SRRM4: variants seen among roughly 807,000 people sequenced by gnomAD.
SRRM4 encodes serine/arginine repetitive matrix 4.
SRRM4 carries 33 observed loss-of-function variants against 68.9 expected under a neutral mutation model. That is an observed-to-expected ratio of 0.48 (90% CI 0.36 to 0.64). The LOEUF (loss-of-function observed/expected upper bound fraction) is 0.64. Among genes scored for constraint, SRRM4 ranks in the 30% least tolerant of loss-of-function variants. The pLI, the probability that SRRM4 is intolerant of heterozygous loss-of-function variation, is 0.00. For synonymous variants in SRRM4, 318 were observed against 318.8 expected (o/e 1.00, Z 0.03); for missense variants, 817 against 827.1 (o/e 0.99, Z 0.15).
intron 1 of SRRM4, among the ~76,000 whole-genome samples, chr12:119,101,171 T>C (rs1190747768): frequency 6.6e-6 from 1 of 152,180 alleles, no homozygotes; most frequent in Non-Finnish European, 1.5e-5. Context: ...GATCAATACT[T>C]GACATGGGGT....
At chr12:119,054,417 A>G (rs1286120175) in intron 1 of SRRM4, among the ~76,000 whole-genome samples, 1 of 152,244 alleles carries the variant, frequency 6.6e-6, no homozygotes, top group Non-Finnish European at 1.5e-5. Flanking sequence ...CAGTTGAGGC[A>G]CAGGGAAGTA....
Position 119,153,644 on chromosome 12 carries a change from C to A in SRRM4, c.1386C>A (p.Pro462=), listed in dbSNP as rs185307849. ...GCCCTAGCTACTCCCGCTACAGCCC[C>A]AGCAGGTACCGGCCCCGCCCCTCAA... ...RRSPSYSRYS[P]SRERDPKYSE... Residue 462 remains proline (P), a synonymous_variant, in exon 11 of 13, where the codon CCC becomes CCA. Transcript: ENST00000267260. 1 of 1,552,350 alleles carries A rather than the reference C, an allele frequency of 6.4e-7. No homozygotes were observed. The highest frequency in any genetic ancestry group is 8.7e-7 in the Non-Finnish European group (1 of 1,150,206).
chr12:119,102,343 A>ACAAGAC lies in SRRM4; in HGVS notation c.241_246dup (p.Lys81_Thr82dup). On this transcript the variant is annotated inframe_insertion, in exon 2 of 13. Transcript: ENST00000267260. ...TTGGGCACCAACAGTTGGGAGAGAG[A>ACAAGAC]CAAGACCTGTCGGGAACTGGGTGCC... 1 of 1,613,510 alleles carries ACAAGAC rather than the reference A, an allele frequency of 6.2e-7. No homozygotes were observed. The highest frequency in any genetic ancestry group is 1.7e-4 in the Middle Eastern group (1 of 5,998).
chr12:119,022,676 C>A (rs1295527423), intron 1 of SRRM4, among the ~76,000 whole-genome samples: 1 of 152,210 alleles, frequency 6.6e-6, no homozygotes, highest in Non-Finnish European at 1.5e-5. Flanking sequence ...TATATCTCAG[C>A]ATTATCACAT....
chr12:119,058,095 G>A (rs1427777392), intron 1 of SRRM4, among the ~76,000 whole-genome samples: 3 of 152,192 alleles, frequency 2.0e-5, no homozygotes, highest in Non-Finnish European at 4.4e-5. Flanking sequence ...GCATGTAACT[G>A]CCTCATTGCA....
intron 1 of SRRM4, among the ~76,000 whole-genome samples, chr12:119,048,772 A>G (rs1291685000): frequency 1.3e-5 from 2 of 152,114 alleles, no homozygotes; most frequent in African/African-American, 4.8e-5. Flanking sequence ...TAAAAATACA[A>G]AAATTAGTCT....
rs57550768 is a variant in SRRM4, at chr12:119,158,967, T to TTGTGTGTGTGTGTG, written c.*2207_*2220dup. On this transcript the variant is annotated 3_prime_UTR_variant, in exon 13 of 13. Transcript: ENST00000267260. ...TGAATTATTTATTTATACAGAGGTT[T>TTGTGTGTGTGTGTG]TGTGTGTGTGTGTGTGTGTGTGTGT... 9 of 137,122 alleles carry TTGTGTGTGTGTGTG rather than the reference T, an allele frequency of 6.6e-5. No individual in the cohort carries two copies. Among genetic ancestry groups the TTGTGTGTGTGTGTG allele is most frequent in the South Asian group, 2.5e-4 (1 of 4,022 alleles). The allele number at this position is 137,122 out of a possible 1,614,324, so 8.5% of individuals were successfully genotyped here. A position where few individuals can be genotyped will look rare whatever the true frequency, so the allele number is the denominator to read the frequency against.
intron 1 of SRRM4, among the ~76,000 whole-genome samples, chr12:119,018,136 C>T (rs1251898662): frequency 1.3e-5 from 2 of 152,138 alleles, no homozygotes; most frequent in Non-Finnish European, 2.9e-5. Context: ...AAAAGAAAAG[C>T]TTTACATTGA....
intron 1 of SRRM4, among the ~76,000 whole-genome samples, chr12:119,023,768 A>G (rs1188292959): frequency 6.6e-6 from 1 of 152,044 alleles, no homozygotes; most frequent in East Asian, 1.9e-4. Flanking sequence ...TTTCCCTCCC[A>G]TTTCTTTGTT....
intron 1 of SRRM4, among the ~76,000 whole-genome samples, chr12:119,081,449 G>A (rs547010237): frequency 2.0e-5 from 3 of 152,192 alleles, no homozygotes; most frequent in Non-Finnish European, 4.4e-5. Flanking sequence ...AGTGTAACTG[G>A]TGCATCAGGG....
At chr12:119,075,807 TG>T in intron 1 of SRRM4, among the ~76,000 whole-genome samples, 1 of 147,640 alleles carries the variant, frequency 6.8e-6, no homozygotes, top group African/African-American at 2.5e-5. Context: ...ATGATGATGG[TG>T]ATGATAACGG....
chr12:119,136,851 G>A (rs899338838), intron 8 of SRRM4, among the ~76,000 whole-genome samples: 1 of 151,974 alleles, frequency 6.6e-6, no homozygotes, highest in African/African-American at 2.4e-5. Flanking sequence ...TAATAAGGAG[G>A]CCAGACCACC....
intron 1 of SRRM4, 134 bp from the exon 2 acceptor site, chr12:119,102,102 C>T: frequency 1.2e-6 from 1 of 851,300 alleles, no homozygotes; most frequent in Non-Finnish European, 1.8e-6. Flanking sequence ...AGACCATTGG[C>T]CAAAGATAAT....
In SRRM4 at chr12:119,158,301, A is replaced by G. The variant is rs1954487010; in HGVS notation, c.*1503A>G. ...GAGCGAGGGAGAGAGGACCGGTCCC[A>G]GCTTTTGGATATTTTGGGTTATGGG... is the stretch of plus-strand genomic sequence containing the variant. On this transcript the variant is annotated 3_prime_UTR_variant, in exon 13 of 13. Coordinates refer to ENST00000267260, the MANE Select transcript of SRRM4 (RefSeq NM_194286.4). 6.5e-6 allele frequency: 1 copy of G among 152,884 alleles called. No individual in the cohort carries two copies. The highest frequency in any genetic ancestry group is 2.1e-4 in the South Asian group (1 of 4,824). The allele number at this position is 152,884 out of a possible 1,614,324, so 9.5% of individuals were successfully genotyped here. A position where few individuals can be genotyped will look rare whatever the true frequency, so the allele number is the denominator to read the frequency against.
chr12:119,139,009 C>T (rs1343102261), intron 8 of SRRM4, among the ~76,000 whole-genome samples: 1 of 152,144 alleles, frequency 6.6e-6, no homozygotes, highest in Admixed American at 6.5e-5. Flanking sequence ...TGGAGTGGCT[C>T]TTGCTAATAA....
At chr12:119,043,686 C>T (rs67000224) in intron 1 of SRRM4, among the ~76,000 whole-genome samples, 51,558 of 151,110 alleles carry the variant, frequency 0.34, 8,976 homozygotes, top group Non-Finnish European at 0.36. Flanking sequence ...AAAGAAAGGA[C>T]AAAGAAAAAA....
In SRRM4 at chr12:119,070,247, A is replaced by T. The variant is rs533803074; in HGVS notation, c.132-31989A>T. On this transcript the variant is annotated intron_variant, in intron 1 of 12. Coordinates refer to ENST00000267260, the MANE Select transcript of SRRM4 (RefSeq NM_194286.4). Reference sequence around the variant, plus strand: ...AAAAAAAAAAAACTAGCCACTTTTTACCTGTCCACTAAATGAACAGGCCTT... The same window carrying T: ...AAAAAAAAAAAACTAGCCACTTTTTTCCTGTCCACTAAATGAACAGGCCTT... Among the ~76,000 whole-genome samples the T allele has an allele frequency of 9.9e-5, 15 of 151,252 alleles. No homozygotes were observed. In the East Asian group the frequency reaches 2.5e-3, roughly 26 times the overall value.
chr12:119,056,842 G>A (rs1953779494), intron 1 of SRRM4, among the ~76,000 whole-genome samples: 1 of 151,568 alleles, frequency 6.6e-6, no homozygotes, highest in African/African-American at 2.4e-5. Context: ...TTTAATATCT[G>A]TCTCCCATGC....
At chr12:119,141,871 A>G (rs1014096666) in intron 8 of SRRM4, among the ~76,000 whole-genome samples, 3 of 152,210 alleles carry the variant, frequency 2.0e-5, no homozygotes, top group South Asian at 2.1e-4. Flanking sequence ...TGAATTCAAG[A>G]TTCAGTGAAT....
Sources: gnomAD v4.1 joint callset for allele counts (sites outside exome capture counted in the v4.1 genomes callset) on GRCh38, gnomAD v4.1.1 for gene constraint, MANE v1.5 for transcripts, NCBI Gene and HGNC (gene_info 2026-07-23, HGNC 2026-07-21) for gene names.